DLGAP1: variants seen among roughly 807,000 people sequenced by gnomAD.
DLGAP1 encodes the protein disks large-associated protein 1.
A neutral mutation model predicts 90.8 loss-of-function variants in DLGAP1; 11 were observed. The ratio of observed to expected loss-of-function variants is 0.12; its 90% confidence interval spans 0.08 to 0.20. DLGAP1 has a LOEUF of 0.20. DLGAP1 is among the 10% of genes least tolerant of loss of function. The probability of loss-of-function intolerance (pLI) is 1.00; values close to 1 mark genes in which losing one functional copy is unlikely to be tolerated. For synonymous variants in DLGAP1, 558 were observed against 540.7 expected (o/e 1.03, Z -0.44); for missense variants, 1,050 against 1,333.8 (o/e 0.79, Z 3.31).
intron 1 of DLGAP1, among the ~76,000 whole-genome samples, chr18:4,191,972 C>T (rs1427676058): frequency 1.3e-5 from 2 of 152,102 alleles, no homozygotes; most frequent in African/African-American, 4.8e-5. Flanking sequence ...AATAACTAAA[C>T]TAACACCAAG....
At chr18:4,115,336 GTTT>G (rs34812405) in intron 2 of DLGAP1, among the ~76,000 whole-genome samples, 45 of 145,558 alleles carry the variant, frequency 3.1e-4, no homozygotes, top group African/African-American at 1.1e-3. Flanking sequence ...ATAATCTTAT[GTTT>G]TTTTTTTTTT....
At chr18:4,270,114 C>T (rs559863807) in intron 1 of DLGAP1, among the ~76,000 whole-genome samples, 5 of 152,254 alleles carry the variant, frequency 3.3e-5, no homozygotes, top group South Asian at 2.1e-4. Context: ...ATTAAAGAAC[C>T]GGATCTCTCT....
chr18:4,197,199 A>AAAAAAAAAAAAAAAAAAAAAAAAAAAG (rs1555760529), intron 1 of DLGAP1, among the ~76,000 whole-genome samples: 1 of 144,304 alleles, frequency 6.9e-6, no homozygotes, highest in Admixed American at 6.8e-5. Context: ...AAAAAAAAAA[A>AAAAAAAAAAAAAAAAAAAAAAAAAAAG]AAAAAAAAAG....
At chr18:4,186,713 C>T (rs980591891) in intron 1 of DLGAP1, among the ~76,000 whole-genome samples, 2 of 152,088 alleles carry the variant, frequency 1.3e-5, no homozygotes, top group South Asian at 4.1e-4. Context: ...TAATGTGATG[C>T]GTCCAGCTTT....
intron 2 of DLGAP1, among the ~76,000 whole-genome samples, chr18:4,089,778 G>A (rs979169746): frequency 3.3e-5 from 5 of 152,218 alleles, no homozygotes; most frequent in African/African-American, 7.2e-5. Flanking sequence ...GGGCACGGTG[G>A]CTCACGCCTG....
chr18:3,555,902 G>C (rs73379273), intron 9 of DLGAP1, among the ~76,000 whole-genome samples: 17,052 of 152,136 alleles, frequency 0.11, 1,560 homozygotes, highest in African/African-American at 0.26. Context: ...AAGTAAAGGA[G>C]ACGACTTTCT....
rs906028153 is a variant in DLGAP1 at position 3,727,136 on chromosome 18, C to A, written c.1591+1999G>T. ...TTTCTCATGCAATATTTGGGATATA[C>A]CTATCCAGCAGAATTATTCACTCTT... On this transcript the variant is annotated intron_variant, in intron 7 of 12. Coordinates refer to ENST00000315677, the MANE Select transcript of DLGAP1 (RefSeq NM_004746.4). This position sits in a 1 kb window ranked among gnomAD's most constrained non-coding sequence, Gnocchi z 4.7. Among the ~76,000 whole-genome samples, 1 of 152,154 alleles carries A rather than the reference C, an allele frequency of 6.6e-6. No individual in the cohort carries two copies. Among genetic ancestry groups the A allele is most frequent in the Non-Finnish European group, 1.5e-5 (1 of 68,034 alleles).
At chr18:4,129,102 T>C (rs9789144) in intron 2 of DLGAP1, among the ~76,000 whole-genome samples, 52,950 of 151,984 alleles carry the variant, frequency 0.35, 9,606 homozygotes, top group African/African-American at 0.45. Context: ...AATTGTATTA[T>C]TTACACCTAA....
chr18:3,741,620 C>T (rs929049072), intron 6 of DLGAP1, among the ~76,000 whole-genome samples: 13 of 152,092 alleles, frequency 8.5e-5, no homozygotes, highest in African/African-American at 3.1e-4. Context: ...ACCATCACTG[C>T]CATCATTATC....
chr18:3,989,831 C>A (rs1211294146), intron 3 of DLGAP1, among the ~76,000 whole-genome samples: 1 of 151,924 alleles, frequency 6.6e-6, no homozygotes, highest in Non-Finnish European at 1.5e-5. Context: ...AGGATATGAA[C>A]AGACACTTCT....
chr18:3,711,932 C>A lies in DLGAP1; in HGVS notation c.1591+17203G>T, dbSNP rs2147234251. On this transcript the variant is annotated intron_variant, in intron 7 of 12. Coordinates refer to ENST00000315677, the MANE Select transcript of DLGAP1 (RefSeq NM_004746.4). The surrounding 1 kb of genome is among the most constrained non-coding windows in gnomAD (Gnocchi z 4.0). ...TAGGGATGGGGAGTGTGGGGATGGG[C>A]TGTGGGAAGGGAGGCATACAGAAAT... Among the ~76,000 whole-genome samples the A allele has an allele frequency of 6.6e-6, 1 of 152,062 alleles. No homozygotes were observed. The highest frequency in any genetic ancestry group is 2.4e-5 in the African/African-American group (1 of 41,482).
chr18:3,586,268 C>T (rs147496545), intron 7 of DLGAP1, among the ~76,000 whole-genome samples: 5 of 152,178 alleles, frequency 3.3e-5, no homozygotes, highest in Non-Finnish European at 5.9e-5. Flanking sequence ...TGTTGTTATA[C>T]GGAGGGACAT....
At chr18:3,788,217 A>C (rs1484995212) in intron 5 of DLGAP1, among the ~76,000 whole-genome samples, 3 of 152,364 alleles carry the variant, frequency 2.0e-5, no homozygotes, top group South Asian at 2.1e-4. Flanking sequence ...GAGTTGGACT[A>C]GTTATAATTC....
At chr18:3,817,145 C>T (rs2067146750) in intron 4 of DLGAP1, among the ~76,000 whole-genome samples, 1 of 152,142 alleles carries the variant, frequency 6.6e-6, no homozygotes, top group African/African-American at 2.4e-5. Flanking sequence ...GCACACCACA[C>T]TTGCTATTTC....
At chr18:3,623,402 G>A (rs1029059709) in intron 7 of DLGAP1, among the ~76,000 whole-genome samples, 2 of 152,114 alleles carry the variant, frequency 1.3e-5, no homozygotes, top group African/African-American at 4.8e-5. Flanking sequence ...TGTATAAGAG[G>A]TCCTAGACAC....
At chr18:3,937,491 C>T (rs2072668415) in intron 3 of DLGAP1, among the ~76,000 whole-genome samples, 1 of 152,118 alleles carries the variant, frequency 6.6e-6, no homozygotes, top group Non-Finnish European at 1.5e-5. Context: ...CAATTATCTC[C>T]ACGTGACCCC....
intron 10 of DLGAP1, among the ~76,000 whole-genome samples, chr18:3,516,502 G>C (rs751311512): frequency 2.0e-5 from 3 of 152,150 alleles, no homozygotes; most frequent in Admixed American, 6.6e-5. Context: ...AAGAAGACTT[G>C]CAAGTCCAAA....
chr18:3,937,503 C>T (rs1291439502), intron 3 of DLGAP1, among the ~76,000 whole-genome samples: 1 of 152,092 alleles, frequency 6.6e-6, no homozygotes, highest in Non-Finnish European at 1.5e-5. Flanking sequence ...CGTGACCCCG[C>T]CCTTGATACA....
intron 9 of DLGAP1, among the ~76,000 whole-genome samples, chr18:3,544,853 C>T: frequency 6.6e-6 from 1 of 152,012 alleles, no homozygotes. Context: ...GATCCTCCTA[C>T]CTCAACCTCC....
Sources: gnomAD v4.1 joint callset for allele counts (sites outside exome capture counted in the v4.1 genomes callset) on GRCh38, gnomAD v4.1.1 for gene constraint, Gnocchi (gnomAD v3.1) non-coding constraint, MANE v1.5 for transcripts, NCBI Gene and HGNC (gene_info 2026-07-23, HGNC 2026-07-21) for gene names.